BSN: variants seen among roughly 807,000 people sequenced by gnomAD.
The protein encoded by BSN is protein bassoon.
In BSN, 57 loss-of-function variants were observed where a neutral mutation model predicts 264.8. The observed-to-expected ratio is 0.22, with a 90% CI of 0.17 to 0.27. The LOEUF (loss-of-function observed/expected upper bound fraction) is 0.27, where lower values mean the gene tolerates loss of function less well. Ranked by LOEUF, BSN falls within the 10% of genes least tolerant of loss-of-function variation. The pLI is 1.00. For missense variants in BSN, 4,615 were observed against 5,232.5 expected, an observed-to-expected ratio of 0.88 and a Z score of 3.64; for synonymous variants, 2,059 against 2,137.3, an observed-to-expected ratio of 0.96 and a Z score of 1.01.
chr3:49,651,886 T>C lies in BSN; in HGVS notation c.2330T>C (p.Leu777Pro). Residue 777 changes from leucine (L) to proline (P), a missense_variant, in exon 5 of 12, where the codon CTG (leucine) becomes CCG (proline). Around this residue, in one of 3 missense-constraint regions of BSN, gnomAD observed 1,197 missense variants for 1,348.0 expected, o/e 0.89. Coordinates refer to ENST00000296452, the MANE Select transcript of BSN (RefSeq NM_003458.4). This position sits in a 1 kb window ranked among gnomAD's most constrained non-coding sequence, Gnocchi z 5.4. The part of the protein sequence containing the change: ...TPEAFDSDEE[L>P]EDILEEDEDS... ...GAGGCCTTTGACTCTGATGAGGAGC[T>C]GGAGGATATCCTGGAGGAAGACGAA... 6.2e-7 allele frequency: 1 copy of C among 1,614,038 alleles called. No homozygotes were observed. Among genetic ancestry groups the C allele is most frequent in the Non-Finnish European group, 8.5e-7 (1 of 1,180,030 alleles).
At chr3:49,628,593 C>T (rs1385249377) in intron 2 of BSN, among the ~76,000 whole-genome samples, 1 of 152,208 alleles carries the variant, frequency 6.6e-6, no homozygotes, top group Non-Finnish European at 1.5e-5. Context: ...CCATTCTGCC[C>T]ATCCAGCAGA....
Position 49,642,475 on chromosome 3 carries a change from A to T in BSN, c.841A>T (p.Thr281Ser). Residue 281 changes from threonine (T) to serine (S), a missense_variant, in exon 3 of 12, where the codon ACA (threonine) becomes TCA (serine). By Grantham distance (58) the Thr-to-Ser change is moderately conservative (BLOSUM62 1). This residue lies in a region of BSN where 1,197 missense variants were observed against 1,348.0 expected (regional missense o/e 0.89). Coordinates refer to ENST00000296452, the MANE Select transcript of BSN (RefSeq NM_003458.4). This position sits in a 1 kb window ranked among gnomAD's most constrained non-coding sequence, Gnocchi z 7.0. The part of the protein sequence containing the change: ...GPQPGSRQAE[T>S]ARATSVPGPA... ...ACAGCCTGGGTCCCGCCAGGCTGAG[A>T]CAGCCAGGGCCACCTCAGTGCCGGG... 1 of 1,582,350 alleles carries T rather than the reference A, an allele frequency of 6.3e-7. No homozygotes were observed. The highest frequency in any genetic ancestry group is 8.6e-7 in the Non-Finnish European group (1 of 1,165,972).
intron 1 of BSN, among the ~76,000 whole-genome samples, chr3:49,621,750 C>T (rs1251943967): frequency 6.6e-6 from 1 of 152,000 alleles, no homozygotes; most frequent in Non-Finnish European, 1.5e-5. Context: ...CAGAGTCTTG[C>T]TCTGTCACTC....
intron 1 of BSN, among the ~76,000 whole-genome samples, chr3:49,582,243 A>T (rs1195461746): frequency 6.6e-6 from 1 of 152,226 alleles, no homozygotes; most frequent in Non-Finnish European, 1.5e-5. Flanking sequence ...GCATTTTTCT[A>T]ATCAATGGCT....
chr3:49,595,971 C>T (rs1183071047), intron 1 of BSN, among the ~76,000 whole-genome samples: 2 of 151,766 alleles, frequency 1.3e-5, no homozygotes, highest in African/African-American at 2.4e-5. Context: ...ATCTATATGC[C>T]TTTTATTTCT....
Position 49,625,263 on chromosome 3 carries a change from C to T in BSN, c.513C>T (p.Pro171=). 1 of 1,604,332 alleles carries T rather than the reference C, an allele frequency of 6.2e-7. No individual in the cohort carries two copies. The highest frequency in any genetic ancestry group is 8.5e-7 in the Non-Finnish European group (1 of 1,175,354). ...CCCTTCCCAGCAGCACGCTGTGTCC[C>T]ATATGCAAGACTTCGGACCTCACGT... ...IAPLPSSTLC[P]ICKTSDLTST... The change falls in exon 2 of 12, where the codon CCC becomes CCT. Residue 171 remains proline (P), a synonymous_variant. Coordinates refer to ENST00000296452, the MANE Select transcript of BSN (RefSeq NM_003458.4). This position sits in a 1 kb window ranked among gnomAD's most constrained non-coding sequence, Gnocchi z 4.4.
chr3:49,655,713 G>A lies in BSN; in HGVS notation c.6157G>A (p.Ala2053Thr), dbSNP rs1186139727. 1.9e-6 allele frequency: 3 copies of A among 1,613,536 alleles called. No homozygotes were observed. The highest frequency in any genetic ancestry group is 2.5e-6 in the Non-Finnish European group (3 of 1,180,040). ...CCTGCGTCATCCTACAGACCTTTTG[G>A]CTCACCCGCTTCCCATGCGGCGCTA... The part of the protein sequence containing the change: ...TDLRHPTDLL[A>T]HPLPMRRYSS... The change falls in exon 5 of 12, where the codon GCT becomes ACT. Residue 2053 changes from alanine (A) to threonine (T), a missense_variant. Around this residue, in one of 3 missense-constraint regions of BSN, gnomAD observed 3,415 missense variants for 3,866.4 expected, o/e 0.88. Transcript: ENST00000296452.
At position 49,654,322 on chromosome 3, in the gene BSN, C is replaced by T. The variant is rs199546199; in HGVS notation, c.4766C>T (p.Pro1589Leu). The T allele has an allele frequency of 5.0e-6, 8 of 1,613,666 alleles. No individual in the cohort carries two copies. The South Asian group carries it at 8.8e-5, about 18-fold the overall frequency. ...SPLCSPTETQ[P>L]TTHGYSQTTP... ...CTCTGCTCACCTACTGAAACCCAGCCCACCACCCATGGCTACAGCCAGACA... is the reference window on the plus strand; with the variant it reads ...CTCTGCTCACCTACTGAAACCCAGCTCACCACCCATGGCTACAGCCAGACA... The change falls in exon 5 of 12, where the codon CCC (proline) becomes CTC (leucine). Residue 1589 changes from proline (P) to leucine (L), a missense_variant. Transcript: ENST00000296452. This position sits in a 1 kb window ranked among gnomAD's most constrained non-coding sequence, Gnocchi z 4.1.
intron 1 of BSN, among the ~76,000 whole-genome samples, chr3:49,615,175 T>C (rs549012014): frequency 6.6e-6 from 1 of 152,190 alleles, no homozygotes; most frequent in Non-Finnish European, 1.5e-5. Context: ...CTGGAACAAA[T>C]TGAGCCTTGT....
intron 2 of BSN, among the ~76,000 whole-genome samples, chr3:49,632,665 G>T (rs575596066): frequency 6.6e-6 from 1 of 152,114 alleles, no homozygotes; most frequent in Non-Finnish European, 1.5e-5. Flanking sequence ...TAAGCCAGAC[G>T]TGGTGGTGGG....
intron 1 of BSN, among the ~76,000 whole-genome samples, chr3:49,562,604 T>G (rs1413199922): frequency 6.6e-6 from 1 of 152,198 alleles, no homozygotes; most frequent in Non-Finnish European, 1.5e-5. Context: ...CGTATTCTGT[T>G]GGGAAGCTCC....
At chr3:49,563,225 C>T (rs1317494035) in intron 1 of BSN, among the ~76,000 whole-genome samples, 1 of 152,102 alleles carries the variant, frequency 6.6e-6, no homozygotes, top group Admixed American at 6.6e-5. Context: ...TGGCTGGCAA[C>T]CCACCTCTGG....
At chr3:49,606,551 C>A (rs1483186716) in intron 1 of BSN, among the ~76,000 whole-genome samples, 3 of 151,590 alleles carry the variant, frequency 2.0e-5, no homozygotes, top group Non-Finnish European at 2.9e-5. Flanking sequence ...TTGCTCACTA[C>A]GAGGTAGCCA....
At chr3:49,664,207 TTTC>T (rs1014291264) in intron 8 of BSN, among the ~76,000 whole-genome samples, 1 of 152,126 alleles carries the variant, frequency 6.6e-6, no homozygotes, top group African/African-American at 2.4e-5. Flanking sequence ...TTTTTTTCCC[TTTC>T]TTCTTCTTTC....
At chr3:49,623,679 G>A (rs916217469) in intron 1 of BSN, among the ~76,000 whole-genome samples, 6 of 152,214 alleles carry the variant, frequency 3.9e-5, no homozygotes, top group South Asian at 4.1e-4. Flanking sequence ...GGTAGATTTG[G>A]TCTGGCATCA....
At chr3:49,624,317 T>TTTTTTTTTTTTTTTGA in intron 1 of BSN, among the ~76,000 whole-genome samples, 1 of 127,876 alleles carries the variant, frequency 7.8e-6, no homozygotes, top group Middle Eastern at 6.3e-3. Context: ...TTTTTTTTTT[T>TTTTTTTTTTTTTTTGA]AGACAGGGTC....
In BSN at chr3:49,574,231, G is replaced by A. The variant is rs759958991; in HGVS notation, c.224+19405G>A. ...GATCTGCCTGCCTCAGCCTCCCAAAGTTTTGGGATTATAGGCGTGAGCCAC... is the reference window on the plus strand; with the variant it reads ...GATCTGCCTGCCTCAGCCTCCCAAAATTTTGGGATTATAGGCGTGAGCCAC... On this transcript the variant is annotated intron_variant, in intron 1 of 11. Coordinates refer to ENST00000296452, the MANE Select transcript of BSN (RefSeq NM_003458.4). Among the ~76,000 whole-genome samples the A allele has an allele frequency of 7.7e-4, 109 of 142,448 alleles. No homozygotes were observed. The Admixed American group carries it at 7.7e-3, about 10-fold the overall frequency. 93.5% of individuals were successfully genotyped at this position (142,448 alleles called of 152,430 possible). A position where few individuals can be genotyped will look rare whatever the true frequency, so the allele number is the denominator to read the frequency against.
rs769095507 is a variant in BSN, at chr3:49,663,619, C to T, written c.11461C>T (p.Pro3821Ser). Residue 3821 changes from proline to serine, a missense_variant, in exon 7 of 12, where the codon CCT becomes TCT. Transcript: ENST00000296452. ...APAASQPAGK[P>S]QPGPSTATGP... is the part of the protein sequence containing the mutation. Reference sequence around the variant, plus strand: ...TGCTGCCAGCCAGCCTGCAGGGAAGCCTCAGCCAGGCCCCAGCACAGCCAC... The same window carrying T: ...TGCTGCCAGCCAGCCTGCAGGGAAGTCTCAGCCAGGCCCCAGCACAGCCAC... 1.9e-5 allele frequency: 31 copies of T among 1,609,286 alleles called. No homozygotes were observed. The highest frequency in any genetic ancestry group is 2.6e-5 in the Non-Finnish European group (31 of 1,177,816).
At chr3:49,621,823 T>G (rs2052309123) in intron 1 of BSN, among the ~76,000 whole-genome samples, 1 of 152,108 alleles carries the variant, frequency 6.6e-6, no homozygotes, top group Admixed American at 6.5e-5. Context: ...GCTCAAGAGA[T>G]CCTCCTGCCT....
Sources: allele counts gnomAD v4.1 joint callset (sites outside exome capture counted in the v4.1 genomes callset), GRCh38; gene constraint gnomAD v4.1.1; regional missense constraint gnomAD v4.1.1; non-coding constraint Gnocchi (gnomAD v3.1); transcripts MANE v1.5; gene names NCBI Gene and HGNC (gene_info 2026-07-23, HGNC 2026-07-21).